GTF2F2: variants seen among roughly 807,000 people sequenced by gnomAD.
GTF2F2 encodes general transcription factor IIF subunit 2.
In GTF2F2, 23 loss-of-function variants were observed where a neutral mutation model predicts 42.2. The observed-to-expected ratio is 0.55, with a 90% CI of 0.39 to 0.77. The LOEUF (loss-of-function observed/expected upper bound fraction) is 0.77, where lower values mean the gene tolerates loss of function less well. GTF2F2 is among the 30% of genes least tolerant of loss of function. GTF2F2 has a pLI of 0.00. For missense variants in GTF2F2, 261 were observed against 287.2 expected (o/e 0.91, Z 0.66); for synonymous variants, 105 against 100.8 (o/e 1.04, Z -0.25).
chr13:45,161,444 G>A (rs1054783838), intron 4 of GTF2F2, among the ~76,000 whole-genome samples: 6 of 152,016 alleles, frequency 3.9e-5, no homozygotes, highest in Non-Finnish European at 5.9e-5. Flanking sequence ...ACTTTTTATT[G>A]GGATGGCCTA....
intron 5 of GTF2F2, among the ~76,000 whole-genome samples, chr13:45,216,479 G>C (rs1047073327): frequency 6.6e-5 from 10 of 151,896 alleles, no homozygotes; most frequent in African/African-American, 2.4e-4. Context: ...AATATGTGGG[G>C]CTGTACGTCT....
chr13:45,239,415 A>C (rs557699506), intron 5 of GTF2F2, among the ~76,000 whole-genome samples: 5 of 152,344 alleles, frequency 3.3e-5, no homozygotes, highest in African/African-American at 1.2e-4. Flanking sequence ...ACTCTTCCTA[A>C]AGAAGTGATA....
chr13:45,234,744 C>T (rs1017679841), intron 5 of GTF2F2, among the ~76,000 whole-genome samples: 2 of 151,976 alleles, frequency 1.3e-5, no homozygotes, highest in African/African-American at 4.8e-5. Context: ...GCACTTTGGG[C>T]AGCTTACAAA....
intron 7 of GTF2F2, among the ~76,000 whole-genome samples, chr13:45,273,419 G>C (rs924196743): frequency 1.3e-5 from 2 of 151,926 alleles, no homozygotes; most frequent in African/African-American, 4.8e-5. Flanking sequence ...GAAATTTGGG[G>C]TGAATTTAGT....
intron 7 of GTF2F2, among the ~76,000 whole-genome samples, chr13:45,268,059 A>G (rs1425299958): frequency 9.2e-5 from 14 of 152,204 alleles, no homozygotes; most frequent in Admixed American, 9.2e-4. Flanking sequence ...GATGATAACA[A>G]TAAGAAATTC....
At chr13:45,178,915 C>T (rs928052828) in intron 4 of GTF2F2, among the ~76,000 whole-genome samples, 4 of 152,164 alleles carry the variant, frequency 2.6e-5, no homozygotes, top group Non-Finnish European at 5.9e-5. Context: ...TCCAGGACTG[C>T]TTCACTTATT....
intron 4 of GTF2F2, among the ~76,000 whole-genome samples, chr13:45,196,063 A>T (rs1593484730): frequency 6.6e-6 from 1 of 152,354 alleles, no homozygotes; most frequent in South Asian, 2.1e-4. Context: ...TTCTTCTAAA[A>T]TGCATACTTC....
chr13:45,254,546 A>G (rs181866946), intron 6 of GTF2F2, among the ~76,000 whole-genome samples: 94 of 152,338 alleles, frequency 6.2e-4, no homozygotes, highest in African/African-American at 2.2e-3. Flanking sequence ...CCTATGAAGA[A>G]ACTACAACAG....
intron 5 of GTF2F2, among the ~76,000 whole-genome samples, chr13:45,235,714 C>T (rs1019153757): frequency 6.6e-6 from 1 of 151,874 alleles, no homozygotes. Context: ...CTCAGCCTCC[C>T]GAGTAGCCAG....
intron 5 of GTF2F2, among the ~76,000 whole-genome samples, chr13:45,226,055 C>T (rs1322950399): frequency 1.4e-5 from 2 of 144,850 alleles, no homozygotes; most frequent in Non-Finnish European, 3.0e-5. Context: ...GTGATTATAT[C>T]CGGAAAAAAA....
intron 5 of GTF2F2, among the ~76,000 whole-genome samples, chr13:45,208,144 A>G (rs1484149503): frequency 6.6e-6 from 1 of 151,916 alleles, no homozygotes; most frequent in Non-Finnish European, 1.5e-5. Context: ...AAAAAATTGT[A>G]CTGTATAAAG....
chr13:45,176,263 C>T (rs971361894), intron 4 of GTF2F2, among the ~76,000 whole-genome samples: 2 of 152,088 alleles, frequency 1.3e-5, no homozygotes, highest in African/African-American at 4.8e-5. Context: ...GTTTATCTTC[C>T]CATCAGTAGT....
At chr13:45,258,038 G>A (rs1260140912) in intron 6 of GTF2F2, among the ~76,000 whole-genome samples, 3 of 152,070 alleles carry the variant, frequency 2.0e-5, no homozygotes, top group Non-Finnish European at 2.9e-5. Context: ...GTGAAAAACT[G>A]AACTTCTCTT....
chr13:45,144,856 TATG>T (rs1217841417), intron 2 of GTF2F2, among the ~76,000 whole-genome samples: 1 of 152,186 alleles, frequency 6.6e-6, no homozygotes, highest in African/African-American at 2.4e-5. Context: ...ATACTGATAA[TATG>T]ATGACGGGAG....
chr13:45,180,005 TC>T (rs1313004912), intron 4 of GTF2F2, among the ~76,000 whole-genome samples: 1 of 152,152 alleles, frequency 6.6e-6, no homozygotes, highest in Non-Finnish European at 1.5e-5. Flanking sequence ...CATTATATTA[TC>T]TTTTTTAAAA....
At chr13:45,226,571 ATTG>A (rs746561737) in intron 5 of GTF2F2, among the ~76,000 whole-genome samples, 1 of 151,978 alleles carries the variant, frequency 6.6e-6, no homozygotes, top group Non-Finnish European at 1.5e-5. Flanking sequence ...ATTCCCCATT[ATTG>A]TTCTTCTGTT....
intron 4 of GTF2F2, among the ~76,000 whole-genome samples, chr13:45,200,533 A>G (rs967383608): frequency 5.9e-5 from 9 of 152,130 alleles, no homozygotes; most frequent in Admixed American, 3.3e-4. Flanking sequence ...GGCTCAAGCT[A>G]TGCTGCTGCC....
chr13:45,253,393 C>T (rs1000350004), intron 6 of GTF2F2, among the ~76,000 whole-genome samples: 5 of 152,106 alleles, frequency 3.3e-5, no homozygotes, highest in Admixed American at 6.6e-5. Context: ...GGTCATGGAA[C>T]AGCAGTAATT....
intron 7 of GTF2F2, among the ~76,000 whole-genome samples, chr13:45,270,954 GTGTTCC>G (rs1566157666): frequency 1.4e-4 from 22 of 152,222 alleles, no homozygotes; most frequent in African/African-American, 5.3e-4. Context: ...TCATTTACCA[GTGTTCC>G]TGTACAGCAT....
Sources: allele counts gnomAD v4.1 joint callset (sites outside exome capture counted in the v4.1 genomes callset), GRCh38; gene constraint gnomAD v4.1.1; transcripts MANE v1.5; gene names NCBI Gene and HGNC (gene_info 2026-07-23, HGNC 2026-07-21).